Variants in RBFOX1 observed in about 807,000 individuals in gnomAD.
RBFOX1 encodes RNA binding fox-1 homolog 1, also known as RNA binding protein fox-1 homolog 1.
A neutral mutation model predicts 57.7 loss-of-function variants in RBFOX1; 8 were observed. The observed-to-expected ratio is 0.14, with a 90% CI of 0.08 to 0.25. The LOEUF is 0.25. Ranked by LOEUF, RBFOX1 falls within the 10% of genes least tolerant of loss-of-function variation. The pLI is 1.00. For synonymous variants in RBFOX1, 326 were observed against 222.4 expected (o/e 1.47, Z -4.15); for missense variants, 611 against 548.5 (o/e 1.11, Z -1.14).
At chr16:5,906,801 C>G (rs949963937) in intron 4 of RBFOX1, among the ~76,000 whole-genome samples, 2 of 120,902 alleles carry the variant, frequency 1.7e-5, no homozygotes, top group Non-Finnish European at 3.2e-5. Flanking sequence ...GTGACGCTTT[C>G]TTGGCTCACT....
At chr16:7,078,805 C>G (rs2058703413) in intron 4 of RBFOX1, among the ~76,000 whole-genome samples, 1 of 149,186 alleles carries the variant, frequency 6.7e-6, no homozygotes, top group Non-Finnish European at 1.5e-5. Flanking sequence ...GCCTCATCCT[C>G]CCGAGTAGCT....
intron 3 of RBFOX1, among the ~76,000 whole-genome samples, chr16:6,944,222 C>G (rs1171637674): frequency 1.3e-5 from 2 of 151,882 alleles, no homozygotes; most frequent in African/African-American, 2.4e-5. Context: ...CAGTGAAACC[C>G]TTTCTCTACT....
intron 1 of RBFOX1, among the ~76,000 whole-genome samples, chr16:5,264,618 C>T (rs1196166876): frequency 1.3e-5 from 2 of 152,036 alleles, no homozygotes; most frequent in African/African-American, 2.4e-5. Flanking sequence ...TTATGAAATG[C>T]CATGGGGTAG....
intron 11 of RBFOX1, among the ~76,000 whole-genome samples, chr16:7,644,177 G>C (rs1379645263): frequency 6.6e-6 from 1 of 152,048 alleles, no homozygotes; most frequent in Non-Finnish European, 1.5e-5. Flanking sequence ...GGCTGCCTTG[G>C]TTCAAACCGC....
intron 3 of RBFOX1, among the ~76,000 whole-genome samples, chr16:6,767,081 C>T (rs950018396): frequency 2.0e-5 from 3 of 152,142 alleles, no homozygotes; most frequent in African/African-American, 4.8e-5. Context: ...ATTTCCTCAT[C>T]CTGTGGTCCT....
At chr16:5,728,539 A>G (rs1210940922) in intron 3 of RBFOX1, among the ~76,000 whole-genome samples, 3 of 152,252 alleles carry the variant, frequency 2.0e-5, no homozygotes, top group Admixed American at 1.3e-4. Context: ...GTTTCCAGGT[A>G]AGGTCCCTGT....
chr16:7,383,815 G>C (rs1399704712), intron 4 of RBFOX1, among the ~76,000 whole-genome samples: 2 of 152,062 alleles, frequency 1.3e-5, no homozygotes, highest in Non-Finnish European at 2.9e-5. Context: ...CCCGTACTTT[G>C]GGAGGCCGAG....
At chr16:5,581,735 A>C (rs1388972313) in intron 2 of RBFOX1, among the ~76,000 whole-genome samples, 1 of 152,150 alleles carries the variant, frequency 6.6e-6, no homozygotes, top group East Asian at 1.9e-4. Context: ...AAAAAGAAAC[A>C]CTGTATAGTT....
chr16:7,225,231 G>C (rs1385519556), intron 4 of RBFOX1, among the ~76,000 whole-genome samples: 1 of 152,074 alleles, frequency 6.6e-6, no homozygotes, highest in Non-Finnish European at 1.5e-5. Flanking sequence ...ATATGGGTTG[G>C]CTGTGTCCCC....
intron 13 of RBFOX1, chr16:7,671,524 C>A (rs1326611267): frequency 6.4e-7 from 1 of 1,560,428 alleles, no homozygotes; most frequent in Non-Finnish European, 8.8e-7. Flanking sequence ...TTCATTTTTG[C>A]ATTGAAAACA....
intron 2 of RBFOX1, among the ~76,000 whole-genome samples, chr16:6,599,069 A>T (rs759742653): frequency 3.9e-5 from 6 of 152,208 alleles, no homozygotes; most frequent in Non-Finnish European, 8.8e-5. Context: ...TGAGAAGATG[A>T]ATGCTTTTAG....
Position 6,895,416 on chromosome 16 carries a change from ATATGTGTGTG to A in RBFOX1, c.-15-156639_-15-156630del, listed in dbSNP as rs1397801622. Among the ~76,000 whole-genome samples the A allele has an allele frequency of 3.9e-3, 309 of 79,884 alleles. 11 individuals carry two copies. Among genetic ancestry groups the A allele is most frequent in the Admixed American group, 0.031 (201 of 6,494 alleles). 52.4% of individuals were successfully genotyped at this position (79,884 alleles called of 152,430 possible). A position where few individuals can be genotyped will look rare whatever the true frequency, so the allele number is the denominator to read the frequency against. ...GCCTCAGCCACTAGTTGTTAGTAAT[ATATGTGTGTG>A]TGTGTGTGTGTGTGTGTGTGTGTAT... On this transcript the variant is annotated intron_variant, in intron 3 of 15. Coordinates refer to ENST00000550418, the MANE Select transcript of RBFOX1 (RefSeq NM_018723.4).
At chr16:5,456,133 C>G (rs1025980888) in intron 1 of RBFOX1, among the ~76,000 whole-genome samples, 2 of 151,636 alleles carry the variant, frequency 1.3e-5, no homozygotes, top group Non-Finnish European at 2.9e-5. Flanking sequence ...ACGTGCTTAA[C>G]ATGAGGTTAT....
intron 1 of RBFOX1, among the ~76,000 whole-genome samples, chr16:5,331,722 G>T (rs2151275322): frequency 6.6e-6 from 1 of 152,380 alleles, no homozygotes; most frequent in South Asian, 2.1e-4. Context: ...GCAGTAAGAG[G>T]TGGGGACCAT....
chr16:7,085,798 G>A (rs531155164), intron 4 of RBFOX1, among the ~76,000 whole-genome samples: 96 of 152,228 alleles, frequency 6.3e-4, no homozygotes, highest in Non-Finnish European at 1.2e-3. Context: ...CTCCCAAGTA[G>A]GAGAAAGCAA....
chr16:6,069,943 A>T (rs67487257), intron 1 of RBFOX1, among the ~76,000 whole-genome samples: 21,429 of 152,036 alleles, frequency 0.14, 2,214 homozygotes, highest in East Asian at 0.35. Context: ...GCCGAGATCC[A>T]ACCGCTGCAC....
intron 11 of RBFOX1, among the ~76,000 whole-genome samples, chr16:7,643,770 AT>A (rs1241319307): frequency 1.3e-5 from 2 of 152,196 alleles, no homozygotes; most frequent in Admixed American, 6.5e-5. Context: ...GGTGATCCCT[AT>A]GGCCGGCATC....
At chr16:5,713,085 C>T (rs562437133) in intron 3 of RBFOX1, among the ~76,000 whole-genome samples, 105 of 152,290 alleles carry the variant, frequency 6.9e-4, no homozygotes, top group African/African-American at 2.5e-3. Flanking sequence ...GTTTTCCTTT[C>T]CTTTAAGCAA....
chr16:7,265,663 G>C (rs995250801), intron 4 of RBFOX1, among the ~76,000 whole-genome samples: 2 of 152,114 alleles, frequency 1.3e-5, no homozygotes, highest in South Asian at 2.1e-4. Flanking sequence ...TGGCCAGGCC[G>C]GTCTGAAACT....
Sources: allele counts gnomAD v4.1 joint callset (sites outside exome capture counted in the v4.1 genomes callset), GRCh38; gene constraint gnomAD v4.1.1; transcripts MANE v1.5; gene names NCBI Gene and HGNC (gene_info 2026-07-23, HGNC 2026-07-21).